The following GOLM1 variants were observed in gnomAD, a reference collection of about 807,000 sequenced individuals.
GOLM1 encodes epididymis luminal protein 46.
In GOLM1, 31 loss-of-function variants were observed where a neutral mutation model predicts 50.5. The observed-to-expected ratio is 0.61, with a 90% CI of 0.46 to 0.83. The LOEUF (loss-of-function observed/expected upper bound fraction) is 0.83, where lower values mean the gene tolerates loss of function less well. Ranked by LOEUF, GOLM1 falls within the 40% of genes least tolerant of loss-of-function variation. The probability of loss-of-function intolerance (pLI) is 0.00; values close to 1 mark genes in which losing one functional copy is unlikely to be tolerated. For synonymous variants in GOLM1, 178 were observed against 192.8 expected, an observed-to-expected ratio of 0.92 and a Z score of 0.64; for missense variants, 491 against 501.3, an observed-to-expected ratio of 0.98 and a Z score of 0.20.
intron 1 of GOLM1, among the ~76,000 whole-genome samples, chr9:86,092,177 G>A (rs954778388): frequency 2.0e-5 from 3 of 152,250 alleles, no homozygotes; most frequent in African/African-American, 7.2e-5. Context: ...GATTCAGTGA[G>A]TTGAGTGAGA....
At chr9:86,075,538 A>C (rs1834584732) in intron 3 of GOLM1, among the ~76,000 whole-genome samples, 1 of 152,204 alleles carries the variant, frequency 6.6e-6, no homozygotes, top group South Asian at 2.1e-4. Context: ...ACAGATCCAG[A>C]GAATTTAAGT....
intron 7 of GOLM1, 139 bp downstream of exon 7, chr9:86,036,209 A>G: frequency 1.2e-6 from 1 of 814,538 alleles, no homozygotes; most frequent in Admixed American, 2.3e-5. Context: ...CCCCAATTCC[A>G]GGGGCCCAGA....
chr9:86,048,621 A>G (rs934872738), intron 4 of GOLM1, among the ~76,000 whole-genome samples: 5 of 152,184 alleles, frequency 3.3e-5, no homozygotes, highest in Admixed American at 6.5e-5. Flanking sequence ...TTCTCTGATG[A>G]CCAGTGATGA....
chr9:86,052,125 G>T (rs1833773115), intron 4 of GOLM1, among the ~76,000 whole-genome samples: 1 of 152,130 alleles, frequency 6.6e-6, no homozygotes, highest in Admixed American at 6.5e-5. Context: ...CAGCTGCCAA[G>T]TTGAGTCAGA....
At chr9:86,082,186 A>G (rs1372433558) in intron 1 of GOLM1, among the ~76,000 whole-genome samples, 8 of 150,480 alleles carry the variant, frequency 5.3e-5, no homozygotes, top group South Asian at 2.1e-4. Context: ...CTGCCACCAC[A>G]CCTGGCTAAT....
intron 1 of GOLM1, chr9:86,084,878 T>G (rs1472261048): frequency 6.6e-6 from 1 of 152,064 alleles, no homozygotes; most frequent in Non-Finnish European, 1.5e-5. Flanking sequence ...TGAAACCCCA[T>G]CTCTACTAAA....
chr9:86,029,506 CAT>C (rs1832903844), intron 9 of GOLM1, among the ~76,000 whole-genome samples: 1 of 152,108 alleles, frequency 6.6e-6, no homozygotes, highest in African/African-American at 2.4e-5. Flanking sequence ...ACACAGAAAA[CAT>C]AAAAAGGCAC....
chr9:86,074,235 T>TAAAAAAAAAAAAAA (rs11333722), intron 3 of GOLM1, among the ~76,000 whole-genome samples: 1 of 121,448 alleles, frequency 8.2e-6, no homozygotes, highest in Non-Finnish European at 1.8e-5. Flanking sequence ...TTCTAAGATT[T>TAAAAAAAAAAAAAA]AAAAAAAAAA....
At chr9:86,039,546 C>G (rs1833262849) in intron 6 of GOLM1, among the ~76,000 whole-genome samples, 1 of 152,160 alleles carries the variant, frequency 6.6e-6, no homozygotes, top group African/African-American at 2.4e-5. Flanking sequence ...CTCCAAATGC[C>G]CATCAACTGA....
intron 1 of GOLM1, among the ~76,000 whole-genome samples, chr9:86,083,434 G>C (rs997802129): frequency 1.3e-5 from 2 of 152,292 alleles, no homozygotes; most frequent in Admixed American, 6.5e-5. Context: ...ACCCAGGCTA[G>C]AGTGCAGTGG....
At position 86,033,332 on chromosome 9, in the gene GOLM1, G is replaced by C; in HGVS notation, c.1079C>G (p.Ser360Cys). The C allele has an allele frequency of 6.2e-7, 1 of 1,613,650 alleles. No individual in the cohort carries two copies. Among genetic ancestry groups the C allele is most frequent in the Non-Finnish European group, 8.5e-7 (1 of 1,179,528 alleles). Residue 360 changes from serine (S) to cysteine (C), a missense_variant, in exon 9 of 10, where the codon TCT becomes TGT. Coordinates refer to ENST00000388712, the MANE Select transcript of GOLM1 (RefSeq NM_016548.4). ...DYNMDENEAE[S>C]ETDKQAALAG... The stretch of plus-strand genomic sequence containing the variant: ...CAGGGCTGCTTGCTTGTCTGTCTCA[G>C]ATTCTGCTTCATTTTCATCCATGTT...
chr9:86,035,238 G>T, intron 8 of GOLM1, 130 bp downstream of exon 8: 1 of 1,520,386 alleles, frequency 6.6e-7, no homozygotes. Context: ...CAAACGAAAA[G>T]GAATTGGCAA....
intron 3 of GOLM1, among the ~76,000 whole-genome samples, chr9:86,068,871 C>T (rs9696473): frequency 0.33 from 50,493 of 152,066 alleles, 10,260 homozygotes; most frequent in African/African-American, 0.56. Flanking sequence ...CTTCTGCAAA[C>T]AGGTATGCAG....
At chr9:86,074,350 A>G (rs1160567672) in intron 3 of GOLM1, among the ~76,000 whole-genome samples, 3 of 152,122 alleles carry the variant, frequency 2.0e-5, no homozygotes, top group African/African-American at 7.2e-5. Context: ...TTTGGAAGCA[A>G]GGAGATCTAA....
intron 1 of GOLM1, among the ~76,000 whole-genome samples, chr9:86,095,962 G>A (rs188466707): frequency 1.3e-5 from 2 of 152,300 alleles, no homozygotes; most frequent in Non-Finnish European, 2.9e-5. Flanking sequence ...TTTAATCCTA[G>A]CTTTCTTACT....
chr9:86,065,278 C>T (rs1480854900), intron 3 of GOLM1, among the ~76,000 whole-genome samples: 1 of 152,178 alleles, frequency 6.6e-6, no homozygotes, highest in African/African-American at 2.4e-5. Context: ...GTGCAATGAA[C>T]ACAGCCTCCC....
chr9:86,091,181 G>A (rs12235357), intron 1 of GOLM1, among the ~76,000 whole-genome samples: 5,481 of 128,206 alleles, frequency 0.043, 243 homozygotes, highest in East Asian at 0.29. Flanking sequence ...TGGGAGCTGC[G>A]GACCAGAGCT....
intron 2 of GOLM1, among the ~76,000 whole-genome samples, chr9:86,078,335 T>C (rs1218370130): frequency 1.3e-5 from 2 of 152,204 alleles, no homozygotes; most frequent in East Asian, 3.8e-4. Context: ...AGGGAAATTG[T>C]GCTCAATGCC....
intron 3 of GOLM1, among the ~76,000 whole-genome samples, chr9:86,060,417 C>G (rs1048891733): frequency 6.6e-6 from 1 of 152,072 alleles, no homozygotes; most frequent in Non-Finnish European, 1.5e-5. Flanking sequence ...ACACAAACAA[C>G]AAGACAAGCA....
Sources: allele counts gnomAD v4.1 joint callset (sites outside exome capture counted in the v4.1 genomes callset), GRCh38; gene constraint gnomAD v4.1.1; transcripts MANE v1.5; gene names NCBI Gene and HGNC (gene_info 2026-07-23, HGNC 2026-07-21).